The following RBFOX1 variants were observed in gnomAD, a reference collection of about 807,000 sequenced individuals.
RBFOX1 encodes RNA binding protein fox-1 homolog 1.
RBFOX1 carries 8 observed loss-of-function variants against 57.7 expected under a neutral mutation model. That is an observed-to-expected ratio of 0.14 (90% CI 0.08 to 0.25). RBFOX1 has a LOEUF of 0.25. RBFOX1 is among the 10% of genes least tolerant of loss of function. RBFOX1 has a pLI of 1.00. For synonymous variants in RBFOX1, 326 were observed against 222.4 expected (o/e 1.47, Z -4.15); for missense variants, 611 against 548.5 (o/e 1.11, Z -1.14).
intron 2 of RBFOX1, among the ~76,000 whole-genome samples, chr16:6,584,590 A>G (rs1439868202): frequency 2.0e-5 from 3 of 151,808 alleles, no homozygotes; most frequent in African/African-American, 7.3e-5. Context: ...GCTGGTCTCA[A>G]ACTCCTCACC....
chr16:7,651,387 T>C (rs1314510753), intron 11 of RBFOX1, among the ~76,000 whole-genome samples: 2 of 152,206 alleles, frequency 1.3e-5, no homozygotes, highest in African/African-American at 4.8e-5. Context: ...TCTATGGGTG[T>C]AGGTGTAATT....
intron 2 of RBFOX1, among the ~76,000 whole-genome samples, chr16:6,627,323 A>C (rs1268374367): frequency 6.6e-6 from 1 of 152,102 alleles, no homozygotes; most frequent in East Asian, 1.9e-4. Context: ...TACCTTACCT[A>C]CTCTAGGTGA....
intron 1 of RBFOX1, among the ~76,000 whole-genome samples, chr16:6,029,793 G>A (rs1400768534): frequency 1.2e-4 from 16 of 137,254 alleles, no homozygotes; most frequent in African/African-American, 3.6e-4. Context: ...AAAAAAAAAG[G>A]GGAAAGAAAA....
At chr16:7,108,266 T>C (rs2151510487) in intron 4 of RBFOX1, among the ~76,000 whole-genome samples, 1 of 152,308 alleles carries the variant, frequency 6.6e-6, no homozygotes, top group East Asian at 1.9e-4. Flanking sequence ...GGAACTGGTA[T>C]TCAGGGAGCT....
At chr16:6,587,286 TG>T (rs796872856) in intron 2 of RBFOX1, among the ~76,000 whole-genome samples, 8 of 126,208 alleles carry the variant, frequency 6.3e-5, no homozygotes, top group African/African-American at 2.1e-4. Flanking sequence ...TTTCTGAGTT[TG>T]GCCTTTTTTT....
chr16:6,802,732 T>A (rs550411292), intron 3 of RBFOX1, among the ~76,000 whole-genome samples: 4 of 152,244 alleles, frequency 2.6e-5, no homozygotes, highest in African/African-American at 9.6e-5. Context: ...TTTATTCATT[T>A]CGGCAAAAGC....
intron 4 of RBFOX1, among the ~76,000 whole-genome samples, chr16:5,981,901 C>T (rs1266708511): frequency 1.3e-5 from 2 of 152,218 alleles, no homozygotes; most frequent in Admixed American, 6.5e-5. Context: ...CCAGGCAGGC[C>T]GGTAAACATC....
chr16:6,613,795 G>A (rs1046116113), intron 2 of RBFOX1, among the ~76,000 whole-genome samples: 5 of 152,138 alleles, frequency 3.3e-5, no homozygotes, highest in Middle Eastern at 3.2e-3. Context: ...AAAATTAGCC[G>A]GGTGTGGTGG....
rs1183706157 is a variant in RBFOX1 at position 7,711,447 on chromosome 16, T to C, written c.*702T>C. 6.6e-6 allele frequency: 1 copy of C among 152,462 alleles called. No homozygotes were observed. The highest frequency in any genetic ancestry group is 1.5e-5 in the Non-Finnish European group (1 of 68,010). 9.4% of individuals were successfully genotyped at this position (152,462 alleles called of 1,614,324 possible). Reference sequence around the variant, plus strand: ...TTCAGCTTCTTAACCAGTCGCTATTTAGGAAAAAAAACCCACTAGTTAGGC... The same window carrying C: ...TTCAGCTTCTTAACCAGTCGCTATTCAGGAAAAAAAACCCACTAGTTAGGC... On this transcript the variant is annotated 3_prime_UTR_variant, in exon 16 of 16. Transcript: ENST00000550418.
chr16:7,527,489 G>C (rs2078964413), intron 5 of RBFOX1, among the ~76,000 whole-genome samples: 2 of 152,076 alleles, frequency 1.3e-5, no homozygotes, highest in South Asian at 4.2e-4. Flanking sequence ...TTTCAGCCTC[G>C]GATTTTGGCA....
intron 1 of RBFOX1, among the ~76,000 whole-genome samples, chr16:5,260,346 A>T (rs1173341181): frequency 6.6e-6 from 1 of 152,230 alleles, no homozygotes; most frequent in Non-Finnish European, 1.5e-5. Flanking sequence ...ATATTAAGTG[A>T]GCAGCATTCC....
chr16:5,337,477 A>T (rs1266596084), intron 1 of RBFOX1, among the ~76,000 whole-genome samples: 1 of 152,226 alleles, frequency 6.6e-6, no homozygotes, highest in Admixed American at 6.5e-5. Flanking sequence ...GTAAATGCAG[A>T]AACTGGAAAT....
At chr16:6,093,141 A>G (rs2096200562) in intron 1 of RBFOX1, among the ~76,000 whole-genome samples, 2 of 152,196 alleles carry the variant, frequency 1.3e-5, no homozygotes, top group South Asian at 2.1e-4. Flanking sequence ...AAAAGATGCA[A>G]TTACTGTCAT....
Position 6,483,923 on chromosome 16 carries a change from G to A in RBFOX1, c.-64+166866G>A, listed in dbSNP as rs577677172. The A allele has an allele frequency of 1.2e-5, 13 of 1,083,410 alleles. No homozygotes were observed. The African/African-American group carries it at 2.0e-4, about 16-fold the overall frequency. 67.1% of individuals were successfully genotyped at this position (1,083,410 alleles called of 1,614,324 possible). A position where few individuals can be genotyped will look rare whatever the true frequency, so the allele number is the denominator to read the frequency against. On this transcript the variant is annotated intron_variant, in intron 2 of 15. Coordinates refer to ENST00000550418, the MANE Select transcript of RBFOX1 (RefSeq NM_018723.4). ...CGCGTGAATGGGACGCGGTATGTAA[G>A]CCGAGCTCCAGCTCCGGGGACCTCG...
At chr16:5,611,705 C>CCCATCCGTCCATCCATCCAT (rs772335203) in intron 3 of RBFOX1, among the ~76,000 whole-genome samples, 6 of 100,128 alleles carry the variant, frequency 6.0e-5, no homozygotes, top group Non-Finnish European at 5.7e-5. Flanking sequence ...CACCCACTCT[C>CCCATCCGTCCATCCATCCAT]CCATCCATCC....
intron 14 of RBFOX1, among the ~76,000 whole-genome samples, chr16:7,707,733 C>G (rs758497): frequency 0.62 from 94,845 of 151,982 alleles, 29,889 homozygotes; most frequent in South Asian, 0.66. Context: ...CATTAAAAAG[C>G]CAACCCACTT....
At chr16:5,886,527 C>A (rs1411376552) in intron 4 of RBFOX1, among the ~76,000 whole-genome samples, 2 of 152,196 alleles carry the variant, frequency 1.3e-5, no homozygotes, top group African/African-American at 4.8e-5. Context: ...ACAGCAATAA[C>A]TAACATTTGG....
chr16:7,397,333 G>T, intron 4 of RBFOX1, among the ~76,000 whole-genome samples: 1 of 152,288 alleles, frequency 6.6e-6, no homozygotes, highest in East Asian at 1.9e-4. Context: ...CACTTTGCAA[G>T]TGACTTTTCA....
At chr16:6,611,305 C>A (rs770271602) in intron 2 of RBFOX1, among the ~76,000 whole-genome samples, 5 of 152,156 alleles carry the variant, frequency 3.3e-5, no homozygotes. Flanking sequence ...CACCACCACG[C>A]CTGGCTAATT....
Sources: allele counts gnomAD v4.1 joint callset (sites outside exome capture counted in the v4.1 genomes callset), GRCh38; gene constraint gnomAD v4.1.1; transcripts MANE v1.5; gene names NCBI Gene and HGNC (gene_info 2026-07-23, HGNC 2026-07-21).